The following HACE1 variants were observed in gnomAD, a reference collection of about 807,000 sequenced individuals.
HACE1 encodes the protein E3 ubiquitin-protein ligase HACE1.
A neutral mutation model predicts 118.4 loss-of-function variants in HACE1; 73 were observed. The ratio of observed to expected loss-of-function variants is 0.62; its 90% CI spans 0.51 to 0.75. The LOEUF is 0.75. HACE1 is among the 30% of genes least tolerant of loss of function. The pLI, the probability that HACE1 is intolerant of heterozygous loss-of-function variation, is 0.00. For synonymous variants in HACE1, 368 were observed against 374.8 expected (o/e 0.98, Z 0.21); for missense variants, 749 against 1,102.2 (o/e 0.68, Z 4.54).
intron 22 of HACE1, among the ~76,000 whole-genome samples, chr6:104,735,610 G>A (rs1045181635): frequency 1.3e-5 from 2 of 151,298 alleles, no homozygotes; most frequent in African/African-American, 4.9e-5. Flanking sequence ...CAGCCTGGAC[G>A]ACAGAGCGAG....
intron 5 of HACE1, among the ~76,000 whole-genome samples, chr6:104,834,012 CAT>C (rs1774275110): frequency 6.6e-6 from 1 of 152,028 alleles, no homozygotes; most frequent in Non-Finnish European, 1.5e-5. Context: ...GCCATGGTGG[CAT>C]ACACCTATGG....
rs982242231 is a variant in HACE1, at chr6:104,835,277, C to T, written c.403-2104G>A. 9.2e-5 allele frequency among the ~76,000 whole-genome samples: 14 copies of T among 152,128 alleles called. No homozygotes were observed. In the South Asian group the frequency reaches 2.5e-3, roughly 27 times the overall value. On this transcript the variant is annotated intron_variant, in intron 5 of 23. Coordinates refer to ENST00000262903, the MANE Select transcript of HACE1 (RefSeq NM_020771.4). ...CCATTTCCACCAAACATCTGATAAA[C>T]GCATCTAATTTGAAAGACAAACTAC...
intron 5 of HACE1, among the ~76,000 whole-genome samples, chr6:104,842,948 C>A (rs932921479): frequency 6.6e-6 from 1 of 152,152 alleles, no homozygotes; most frequent in African/African-American, 2.4e-5. Flanking sequence ...CCCACCTCTA[C>A]TAAAAACATA....
intron 6 of HACE1, among the ~76,000 whole-genome samples, chr6:104,820,249 T>C (rs913839880): frequency 7.1e-6 from 1 of 140,196 alleles, no homozygotes; most frequent in Non-Finnish European, 1.6e-5. Context: ...TGGAAAACAA[T>C]GTAGGCAATA....
At chr6:104,830,299 A>G (rs1437129857) in intron 6 of HACE1, among the ~76,000 whole-genome samples, 1 of 152,202 alleles carries the variant, frequency 6.6e-6, no homozygotes, top group East Asian at 1.9e-4. Context: ...CCCACATAGA[A>G]TACGTTTTAA....
At chr6:104,742,419 AAGGGC>A (rs1776855002) in intron 22 of HACE1, among the ~76,000 whole-genome samples, 1 of 150,612 alleles carries the variant, frequency 6.6e-6, no homozygotes, top group Non-Finnish European at 1.5e-5. Flanking sequence ...TCATCTGACA[AAGGGC>A]TAATATCCAG....
At chr6:104,801,574 A>G (rs1770357239) in intron 7 of HACE1, among the ~76,000 whole-genome samples, 1 of 152,220 alleles carries the variant, frequency 6.6e-6, no homozygotes, top group South Asian at 2.1e-4. Flanking sequence ...ACATTCTTAA[A>G]GAAAATAATT....
At position 104,744,615 on chromosome 6, in the gene HACE1, G is replaced by A; in HGVS notation, c.2344-5C>T. ...CATGCCAGAAAGCAGTAGCTCCTTG[G>A]GGGAAGAAGAAAAATATTTCAATAA... On this transcript the variant is annotated splice_polypyrimidine_tract_variant and splice_region_variant and intron_variant, in intron 20 of 23. Coordinates refer to ENST00000262903, the MANE Select transcript of HACE1 (RefSeq NM_020771.4). The A allele has an allele frequency of 6.7e-7, 1 of 1,493,952 alleles. No individual in the cohort carries two copies. The highest frequency in any genetic ancestry group is 9.3e-7 in the Non-Finnish European group (1 of 1,071,118). The allele number at this position is 1,493,952 out of a possible 1,614,324, so 92.5% of individuals were successfully genotyped here.
chr6:104,846,671 C>T (rs568829613), intron 4 of HACE1, among the ~76,000 whole-genome samples: 3 of 152,150 alleles, frequency 2.0e-5, no homozygotes, highest in Non-Finnish European at 4.4e-5. Flanking sequence ...GGCCCCAAAA[C>T]GCAGACTGAC....
At chr6:104,820,764 TAGAAGAC>T (rs1208285841) in intron 6 of HACE1, among the ~76,000 whole-genome samples, 2 of 152,378 alleles carry the variant, frequency 1.3e-5, no homozygotes, top group East Asian at 3.9e-4. Flanking sequence ...TCAGCCATTG[TAGAAGAC>T]AGTGTGGTGA....
intron 22 of HACE1, among the ~76,000 whole-genome samples, chr6:104,737,546 T>C (rs6916569): frequency 0.57 from 86,128 of 151,940 alleles, 26,098 homozygotes; most frequent in African/African-American, 0.8. Flanking sequence ...GTTCCCTTTC[T>C]GAGTCAAAGA....
Position 104,776,575 on chromosome 6 carries a change from T to C in HACE1, c.1864+166A>G, listed in dbSNP as rs1013520078. On this transcript the variant is annotated intron_variant, in intron 17 of 23. Transcript: ENST00000262903. ...ACTTATGATTCTACTACTTATTAACTGTGTGAATGCAGATAAAAACTCTGA... is the reference window on the plus strand; with the variant it reads ...ACTTATGATTCTACTACTTATTAACCGTGTGAATGCAGATAAAAACTCTGA... 3.3e-5 allele frequency among the ~76,000 whole-genome samples: 5 copies of C among 152,320 alleles called. No individual in the cohort carries two copies. The East Asian group carries it at 9.6e-4, about 29-fold the overall frequency.
intron 12 of HACE1, 52 bp from the exon 13 acceptor site, chr6:104,784,537 A>G: frequency 8.0e-7 from 1 of 1,243,390 alleles, no homozygotes; most frequent in East Asian, 2.3e-5. Flanking sequence ...TTGTGATATA[A>G]TATAGCGAAC....
At chr6:104,853,618 G>A (rs577415878) in intron 1 of HACE1, among the ~76,000 whole-genome samples, 1 of 152,228 alleles carries the variant, frequency 6.6e-6, no homozygotes, top group Non-Finnish European at 1.5e-5. Flanking sequence ...ACAGTATCAA[G>A]TACCTCTCAA....
At chr6:104,733,231 C>T (rs556074436) in intron 22 of HACE1, among the ~76,000 whole-genome samples, 1 of 152,088 alleles carries the variant, frequency 6.6e-6, no homozygotes, top group Non-Finnish European at 1.5e-5. Context: ...ATTTCAATAT[C>T]AATATGATCA....
At chr6:104,820,172 G>C (rs1772550469) in intron 6 of HACE1, among the ~76,000 whole-genome samples, 1 of 143,230 alleles carries the variant, frequency 7.0e-6, no homozygotes, top group Non-Finnish European at 1.5e-5. Context: ...TCCAGCCTGG[G>C]CAACAGAGTG....
chr6:104,797,251 A>G (rs1769757789), intron 7 of HACE1, among the ~76,000 whole-genome samples: 1 of 152,044 alleles, frequency 6.6e-6, no homozygotes, highest in Admixed American at 6.5e-5. Context: ...AATTTGTGTC[A>G]CATTTCCTAA....
Position 104,756,446 on chromosome 6 carries a change from T to TAC in HACE1, c.2212-5976_2212-5975dup, listed in dbSNP as rs1270426579. ...AAAAAAATATATATATATATATATA[T>TAC]ACACACACACACACACTTATTATTA... On this transcript the variant is annotated intron_variant, in intron 19 of 23. Coordinates refer to ENST00000262903, the MANE Select transcript of HACE1 (RefSeq NM_020771.4). Among the ~76,000 whole-genome samples the TAC allele has an allele frequency of 9.9e-3, 1,385 of 140,346 alleles. 23 individuals are homozygous for TAC. The highest frequency in any genetic ancestry group is 0.031 in the African/African-American group (1,138 of 36,924). The allele number at this position is 140,346 out of a possible 152,430, so 92.1% of individuals were successfully genotyped here.
intron 19 of HACE1, among the ~76,000 whole-genome samples, chr6:104,766,100 A>C (rs1274605042): frequency 6.6e-6 from 1 of 152,198 alleles, no homozygotes; most frequent in Non-Finnish European, 1.5e-5. Flanking sequence ...AATAAGCAAA[A>C]GAAAAGAAAA....
Sources: allele counts gnomAD v4.1 joint callset (sites outside exome capture counted in the v4.1 genomes callset), GRCh38; gene constraint gnomAD v4.1.1; transcripts MANE v1.5; gene names NCBI Gene and HGNC (gene_info 2026-07-23, HGNC 2026-07-21).